The following SKAP1 variants were observed in gnomAD, a reference collection of about 807,000 sequenced individuals.
The protein encoded by SKAP1 is src kinase associated phosphoprotein 1.
A neutral mutation model predicts 58.5 loss-of-function variants in SKAP1; 44 were observed. The ratio of observed to expected loss-of-function variants is 0.75; its 90% CI spans 0.59 to 0.97. SKAP1 has a LOEUF of 0.97. SKAP1 is among the 50% of genes least tolerant of loss of function. The pLI is 0.00. For missense variants in SKAP1, 390 were observed against 435.2 expected, an observed-to-expected ratio of 0.90 and a Z score of 0.92; for synonymous variants, 127 against 149.7, an observed-to-expected ratio of 0.85 and a Z score of 1.11.
chr17:48,173,664 G>A (rs2143397041), intron 9 of SKAP1, among the ~76,000 whole-genome samples: 1 of 152,270 alleles, frequency 6.6e-6, no homozygotes, highest in Non-Finnish European at 1.5e-5. Context: ...AGGCACTTTT[G>A]CAGAGGTTTA....
intron 2 of SKAP1, chr17:48,382,278 A>G (rs542443990): frequency 6.6e-6 from 1 of 152,338 alleles, no homozygotes; most frequent in African/African-American, 2.4e-5. Flanking sequence ...GCACACCAAC[A>G]TGGCACATGT....
At chr17:48,236,092 T>C (rs1188892761) in intron 4 of SKAP1, among the ~76,000 whole-genome samples, 1 of 152,184 alleles carries the variant, frequency 6.6e-6, no homozygotes, top group East Asian at 1.9e-4. Context: ...CATTTCAAAG[T>C]CAAGGGAGAA....
intron 4 of SKAP1, among the ~76,000 whole-genome samples, chr17:48,197,173 G>A (rs566901375): frequency 6.8e-6 from 1 of 147,072 alleles, no homozygotes; most frequent in East Asian, 2.1e-4. Context: ...CAGGAGAATT[G>A]CTTGAACCCA....
At chr17:48,270,282 T>C (rs2065610685) in intron 4 of SKAP1, among the ~76,000 whole-genome samples, 1 of 152,186 alleles carries the variant, frequency 6.6e-6, no homozygotes, top group South Asian at 2.1e-4. Flanking sequence ...TGCTCACACA[T>C]ACACACCTAA....
At chr17:48,388,971 A>G (rs778503351) in intron 2 of SKAP1, among the ~76,000 whole-genome samples, 1 of 152,212 alleles carries the variant, frequency 6.6e-6, no homozygotes, top group Non-Finnish European at 1.5e-5. Context: ...AGCTAATTGG[A>G]GATTATGTGG....
At chr17:48,170,568 A>G in intron 10 of SKAP1, 41 bp downstream of exon 10, 1 of 1,556,146 alleles carries the variant, frequency 6.4e-7, no homozygotes, top group Non-Finnish European at 8.9e-7. Context: ...AGAAGCCCAT[A>G]ATGTCCTACC....
At chr17:48,250,272 GTTTTTTTTTT>G (rs755523173) in intron 4 of SKAP1, among the ~76,000 whole-genome samples, 9 of 74,036 alleles carry the variant, frequency 1.2e-4, no homozygotes, top group African/African-American at 2.1e-4. Flanking sequence ...GCCATAGACA[GTTTTTTTTTT>G]TTTTTTTTTT....
At chr17:48,191,889 G>A (rs2064550813) in intron 4 of SKAP1, among the ~76,000 whole-genome samples, 1 of 152,184 alleles carries the variant, frequency 6.6e-6, no homozygotes, top group African/African-American at 2.4e-5. Flanking sequence ...TTTTTCTAGG[G>A]TTCTTTCATT....
At chr17:48,343,657 G>T (rs1386993989) in intron 4 of SKAP1, among the ~76,000 whole-genome samples, 2 of 152,116 alleles carry the variant, frequency 1.3e-5, no homozygotes, top group Non-Finnish European at 2.9e-5. Context: ...GAGTTTTCCA[G>T]ATTTACCTCT....
intron 2 of SKAP1, among the ~76,000 whole-genome samples, chr17:48,386,803 C>T (rs181609977): frequency 1.3e-5 from 2 of 152,322 alleles, no homozygotes; most frequent in South Asian, 2.1e-4. Context: ...GCTACATACA[C>T]TGCTTTCATG....
chr17:48,343,708 G>A (rs2066686708), intron 4 of SKAP1, among the ~76,000 whole-genome samples: 1 of 152,090 alleles, frequency 6.6e-6, no homozygotes, highest in South Asian at 2.1e-4. Flanking sequence ...CTATTTTAAT[G>A]AAAATATTTT....
chr17:48,283,822 C>G (rs1025072390), intron 4 of SKAP1, among the ~76,000 whole-genome samples: 2 of 152,160 alleles, frequency 1.3e-5, no homozygotes, highest in Admixed American at 6.6e-5. Flanking sequence ...GCTAGTTCCC[C>G]AGGGCAGAAG....
intron 2 of SKAP1, among the ~76,000 whole-genome samples, chr17:48,392,180 G>GA (rs1295121014): frequency 6.6e-6 from 1 of 152,044 alleles, no homozygotes; most frequent in Non-Finnish European, 1.5e-5. Context: ...AAGCTGAAAA[G>GA]AAAACATGAA....
intron 3 of SKAP1, among the ~76,000 whole-genome samples, chr17:48,354,484 C>T (rs571351098): frequency 6.6e-6 from 1 of 152,284 alleles, no homozygotes; most frequent in South Asian, 2.1e-4. Flanking sequence ...AGAGATTAAT[C>T]ATGATCAATA....
chr17:48,382,225 A>C (rs1183842279), intron 2 of SKAP1: 2 of 151,964 alleles, frequency 1.3e-5, no homozygotes, highest in East Asian at 3.8e-4. Flanking sequence ...AAGGGATAGC[A>C]TTAGGAGATA....
chr17:48,264,690 T>G (rs1452452222), intron 4 of SKAP1, among the ~76,000 whole-genome samples: 1 of 151,366 alleles, frequency 6.6e-6, no homozygotes, highest in Non-Finnish European at 1.5e-5. Context: ...AGATGATGAA[T>G]CATTCTATCT....
the SKAP1 span, among the ~76,000 whole-genome samples, chr17:48,441,284 C>G: frequency 4.6e-5 from 7 of 152,032 alleles, no homozygotes; most frequent in Non-Finnish European, 7.4e-5. Flanking sequence ...CTTTAGAAAC[C>G]CTTTTACCTA....
At chr17:48,219,753 C>T (rs1377202) in intron 4 of SKAP1, among the ~76,000 whole-genome samples, 1,919 of 152,254 alleles carry the variant, frequency 0.013, 47 homozygotes, top group African/African-American at 0.044. Context: ...GCTAAGTGGG[C>T]CCTTAATGAA....
intron 3 of SKAP1, among the ~76,000 whole-genome samples, chr17:48,359,160 T>A (rs1311521463): frequency 1.3e-5 from 2 of 152,122 alleles, no homozygotes; most frequent in Non-Finnish European, 2.9e-5. Context: ...TAAACATGTA[T>A]AAAAGTAGAC....
Sources: allele counts gnomAD v4.1 joint callset (sites outside exome capture counted in the v4.1 genomes callset), GRCh38; gene constraint gnomAD v4.1.1; transcripts MANE v1.5; gene names NCBI Gene and HGNC (gene_info 2026-07-23, HGNC 2026-07-21).